Variants in NRG3 observed in about 807,000 individuals in gnomAD.
The protein encoded by NRG3 is neuregulin 3, also known as pro-neuregulin-3, membrane-bound isoform.
NRG3 carries 31 observed loss-of-function variants against 66.9 expected under a neutral mutation model. The ratio of observed to expected loss-of-function variants is 0.46; its 90% CI spans 0.35 to 0.63. The LOEUF is 0.63. NRG3 is among the 20% of genes least tolerant of loss of function. The pLI is 0.00. For missense variants in NRG3, 910 were observed against 878.9 expected, an observed-to-expected ratio of 1.04 and a Z score of -0.45; for synonymous variants, 393 against 359.4, an observed-to-expected ratio of 1.09 and a Z score of -1.06.
chr10:82,044,511 G>T (rs1051698393), intron 1 of NRG3, among the ~76,000 whole-genome samples: 8 of 151,856 alleles, frequency 5.3e-5, no homozygotes, highest in Admixed American at 3.9e-4. Context: ...CATAGACAGC[G>T]ACCCCAGCTG....
chr10:82,888,766 A>G (rs1325139129), intron 4 of NRG3, among the ~76,000 whole-genome samples: 1 of 152,040 alleles, frequency 6.6e-6, no homozygotes, highest in Non-Finnish European at 1.5e-5. Context: ...AAAAATAAAA[A>G]CAAGCAGATA....
chr10:82,538,483 A>G (rs1417157586), intron 2 of NRG3, among the ~76,000 whole-genome samples: 1 of 152,148 alleles, frequency 6.6e-6, no homozygotes, highest in East Asian at 1.9e-4. Context: ...TCTTACCATG[A>G]TATAATCAGA....
chr10:82,558,141 G>A (rs2044771444), intron 2 of NRG3, among the ~76,000 whole-genome samples: 1 of 152,204 alleles, frequency 6.6e-6, no homozygotes, highest in Non-Finnish European at 1.5e-5. Context: ...CAGAAACAAG[G>A]AAGGGTGTGG....
chr10:82,666,400 C>T (rs1329613792), intron 2 of NRG3, among the ~76,000 whole-genome samples: 1 of 152,140 alleles, frequency 6.6e-6, no homozygotes, highest in Non-Finnish European at 1.5e-5. Context: ...TGTCAATTAT[C>T]CCATTTAACC....
chr10:82,802,751 C>T (rs2135446258), intron 3 of NRG3, among the ~76,000 whole-genome samples: 1 of 152,096 alleles, frequency 6.6e-6, no homozygotes, highest in South Asian at 2.1e-4. Context: ...CTCCTGGGCT[C>T]CAACCATCTG....
At position 82,176,047 on chromosome 10, in the gene NRG3, T is replaced by C. The variant is rs78329021; in HGVS notation, c.824-182692T>C. Among the ~76,000 whole-genome samples, 826 of 152,276 alleles carry C rather than the reference T, an allele frequency of 5.4e-3. 10 individuals are homozygous for C. The highest frequency in any genetic ancestry group is 0.019 in the African/African-American group (771 of 41,558). ...AATTGAAAACGTGTTCATAAGACAT[T>C]ACCCTTGCATCCAACTTAGGAAGCT... is the stretch of plus-strand genomic sequence containing the variant. On this transcript the variant is annotated intron_variant, in intron 1 of 8. Transcript: ENST00000372141.
chr10:82,474,404 C>A (rs1420820831), intron 2 of NRG3, among the ~76,000 whole-genome samples: 3 of 151,474 alleles, frequency 2.0e-5, no homozygotes, highest in Non-Finnish European at 2.9e-5. Context: ...ATGAGAATAT[C>A]AACAAAGAGA....
intron 1 of NRG3, among the ~76,000 whole-genome samples, chr10:82,109,985 A>G (rs1199164810): frequency 2.6e-5 from 4 of 152,144 alleles, no homozygotes; most frequent in African/African-American, 7.2e-5. Context: ...TGGTGACAAT[A>G]TGCTAGGTAA....
intron 2 of NRG3, among the ~76,000 whole-genome samples, chr10:82,439,198 C>A (rs1232819622): frequency 6.6e-6 from 1 of 152,000 alleles, no homozygotes; most frequent in Non-Finnish European, 1.5e-5. Flanking sequence ...CATATCACAC[C>A]AAAGTCATTT....
chr10:82,134,526 C>T (rs2069177132), intron 1 of NRG3, among the ~76,000 whole-genome samples: 1 of 152,076 alleles, frequency 6.6e-6, no homozygotes, highest in Non-Finnish European at 1.5e-5. Context: ...GTCTTTTCCC[C>T]ATTGCTTGTT....
At chr10:82,983,052 C>A (rs1467428820) in intron 8 of NRG3, among the ~76,000 whole-genome samples, 1 of 152,298 alleles carries the variant, frequency 6.6e-6, no homozygotes, top group East Asian at 1.9e-4. Flanking sequence ...AAGATATTTG[C>A]ACCTTTTTCC....
rs1268106449 is a variant in NRG3, at chr10:82,070,401, A to G, written c.823+194238A>G. 2.0e-5 allele frequency among the ~76,000 whole-genome samples: 3 copies of G among 152,200 alleles called. No individual in the cohort carries two copies. The East Asian group carries it at 5.8e-4, about 29-fold the overall frequency. ...TTTATCTGGCTTAAGTTAAACTTGT[A>G]ATGTCAAAAAATAAAGTCTGAGGAA... On this transcript the variant is annotated intron_variant, in intron 1 of 8. Transcript: ENST00000372141.
rs2061049720 is a variant in NRG3, at chr10:82,801,764, G to A, written c.1027+63114G>A. On this transcript the variant is annotated intron_variant, in intron 3 of 8. Transcript: ENST00000372141. ...TTTCTTGGGAGAGGAATATTCTGGA[G>A]GATGGATATATTCACTTGCCCCTGT... is the stretch of plus-strand genomic sequence containing the variant. 2.0e-5 allele frequency among the ~76,000 whole-genome samples: 3 copies of A among 152,142 alleles called. No homozygotes were observed. The South Asian group carries it at 6.2e-4, about 31-fold the overall frequency.
At chr10:82,246,024 A>T (rs1181294655) in intron 1 of NRG3, among the ~76,000 whole-genome samples, 3 of 139,794 alleles carry the variant, frequency 2.1e-5, no homozygotes, top group African/African-American at 8.2e-5. Context: ...ATTGTGAAAC[A>T]CTCGGGTATT....
intron 2 of NRG3, among the ~76,000 whole-genome samples, chr10:82,544,643 G>A (rs1306995310): frequency 2.0e-5 from 3 of 152,092 alleles, no homozygotes; most frequent in Non-Finnish European, 4.4e-5. Flanking sequence ...ATGGAGGAGG[G>A]CTAGTTTGCT....
At chr10:82,712,613 G>T (rs906048922) in intron 2 of NRG3, among the ~76,000 whole-genome samples, 1 of 152,148 alleles carries the variant, frequency 6.6e-6, no homozygotes. Flanking sequence ...GGTGAAGTGG[G>T]CAGAGAGGCT....
At position 81,989,225 on chromosome 10, in the gene NRG3, GT is replaced by G. The variant is rs529918122; in HGVS notation, c.823+113064del. Among the ~76,000 whole-genome samples, 328 of 152,180 alleles carry G rather than the reference GT, an allele frequency of 2.2e-3. 1 individual carries two copies. The highest frequency in any genetic ancestry group is 0.01 in the Middle Eastern group (3 of 294). ...TTTTTTGGATTGTGGAAAATTAAGG[GT>G]TCTGTTGGGAGATGCACATTAGAAA... On this transcript the variant is annotated intron_variant, in intron 1 of 8. Coordinates refer to ENST00000372141, the MANE Select transcript of NRG3 (RefSeq NM_001010848.4).
At chr10:82,349,811 G>A (rs540492915) in intron 1 of NRG3, among the ~76,000 whole-genome samples, 185 of 152,344 alleles carry the variant, frequency 1.2e-3, no homozygotes, top group African/African-American at 4.3e-3. Flanking sequence ...GTATTCGGGT[G>A]GGAGTGACCC....
At chr10:82,366,043 C>G (rs2084499038) in intron 2 of NRG3, among the ~76,000 whole-genome samples, 1 of 152,118 alleles carries the variant, frequency 6.6e-6, no homozygotes, top group Non-Finnish European at 1.5e-5. Context: ...ATACAAGAGG[C>G]AAATGTGAGT....
Sources: allele counts gnomAD v4.1 joint callset (sites outside exome capture counted in the v4.1 genomes callset), GRCh38; gene constraint gnomAD v4.1.1; transcripts MANE v1.5; gene names NCBI Gene and HGNC (gene_info 2026-07-23, HGNC 2026-07-21).